The following KLHL5 variants were observed in gnomAD, a reference collection of about 807,000 sequenced individuals.
KLHL5 encodes the protein kelch-like protein 5.
Under a neutral mutation model 77.7 loss-of-function variants are expected in KLHL5, and 48 were observed. The ratio of observed to expected loss-of-function variants is 0.62; its 90% CI spans 0.49 to 0.79. KLHL5 has a LOEUF of 0.79. Among genes scored for constraint, KLHL5 ranks in the 30% least tolerant of loss-of-function variants. The probability of loss-of-function intolerance (pLI) is 0.00; values close to 1 mark genes in which losing one functional copy is unlikely to be tolerated. For synonymous variants in KLHL5, 260 were observed against 297.0 expected (o/e 0.88, Z 1.28); for missense variants, 723 against 859.7 (o/e 0.84, Z 1.99).
At position 39,113,172 on chromosome 4, in the gene KLHL5, TA is replaced by T; in HGVS notation, c.1842del (p.Ile614MetfsTer11). 4 of 1,614,070 alleles carry T rather than the reference TA, an allele frequency of 2.5e-6. No individual in the cohort carries two copies. Among genetic ancestry groups the T allele is most frequent in the Non-Finnish European group, 3.4e-6 (4 of 1,179,980 alleles). ...VTTWNGLLYA[I>X]GGHDAPASNL... ...ACCTGGAATGGACTGCTGTATGCTATAGGGGGGCACGATGCTCCCGCATCCA... is the reference window on the plus strand; with the variant it reads ...ACCTGGAATGGACTGCTGTATGCTATGGGGGGCACGATGCTCCCGCATCCA... On this transcript the variant is annotated frameshift_variant, in exon 9 of 11. Coordinates refer to ENST00000504108, the MANE Select transcript of KLHL5 (RefSeq NM_015990.5). LOFTEE classifies it high-confidence loss of function.
the KLHL5 span, among the ~76,000 whole-genome samples, chr4:39,134,405 G>C: frequency 1.3e-5 from 2 of 152,152 alleles, no homozygotes; most frequent in Admixed American, 1.3e-4. Context: ...GTATGAAGTA[G>C]ATATGACTAT....
chr4:39,081,064 A>G lies in KLHL5; in HGVS notation c.567-39A>G. 1 of 1,574,270 alleles carries G rather than the reference A, an allele frequency of 6.4e-7. No individual in the cohort carries two copies. Among genetic ancestry groups the G allele is most frequent in the South Asian group, 1.2e-5 (1 of 84,506 alleles). On this transcript the variant is annotated intron_variant, in intron 2 of 10. Transcript: ENST00000504108. The surrounding 1 kb of genome is among the most constrained non-coding windows in gnomAD (Gnocchi z 4.3). ...CATTTATTAATGAACATCAACTCGA[A>G]TGTGGTCATTGATTTTTTTTTTCCT...
upstream of KLHL5, among the ~76,000 whole-genome samples, chr4:39,060,312 T>G (rs1717305222): frequency 6.6e-6 from 1 of 152,160 alleles, no homozygotes; most frequent in Admixed American, 6.5e-5. Context: ...CAGCAATGAT[T>G]ACCATGGGAA....
At chr4:39,103,623 C>T in intron 7 of KLHL5, 112 bp downstream of exon 7, 2 of 781,610 alleles carry the variant, frequency 2.6e-6, no homozygotes, top group South Asian at 3.2e-5. Flanking sequence ...GCAGCAGTCA[C>T]CAAGCATTCC....
intron 5 of KLHL5, 46 bp downstream of exon 5, chr4:39,086,773 T>G: frequency 7.2e-7 from 1 of 1,388,456 alleles, no homozygotes; most frequent in Non-Finnish European, 1.0e-6. Flanking sequence ...TTGCCTATTC[T>G]ATCAAAGAAA....
intron 6 of KLHL5, among the ~76,000 whole-genome samples, chr4:39,097,936 G>A (rs907790923): frequency 1.2e-4 from 18 of 151,924 alleles, no homozygotes; most frequent in African/African-American, 4.4e-4. Context: ...TTTAAGACCA[G>A]CATGGGCAAT....
chr4:39,083,342 A>G (rs1719787650), intron 4 of KLHL5, among the ~76,000 whole-genome samples: 1 of 152,184 alleles, frequency 6.6e-6, no homozygotes, highest in African/African-American at 2.4e-5. Context: ...CATTGTTGTC[A>G]TCATCATTAT....
Position 39,082,108 on chromosome 4 carries a change from T to C in KLHL5, c.849T>C (p.Ala283=). The part of the protein sequence containing the change: ...PSNCLGIRSF[A]DAQGCTDLHK... ...ACTGTCTTGGAATTCGTTCTTTTGC[T>C]GATGCCCAAGGTTGTACAGATTTGC... Residue 283 remains alanine (A), a synonymous_variant, in exon 4 of 11, where the codon GCT becomes GCC. Transcript: ENST00000504108. 1 of 1,613,850 alleles carries C rather than the reference T, an allele frequency of 6.2e-7. No individual in the cohort carries two copies. Among genetic ancestry groups the C allele is most frequent in the South Asian group, 1.1e-5 (1 of 91,002 alleles).
intron 5 of KLHL5, among the ~76,000 whole-genome samples, chr4:39,094,775 A>T (rs983972032): frequency 6.6e-6 from 1 of 152,118 alleles, no homozygotes; most frequent in Non-Finnish European, 1.5e-5. Flanking sequence ...TTATTTAATA[A>T]GTGGTACAGA....
At chr4:39,056,328 C>T (rs1468483232) in intron 1 of KLHL5, among the ~76,000 whole-genome samples, 5 of 152,146 alleles carry the variant, frequency 3.3e-5, no homozygotes, top group Non-Finnish European at 7.4e-5. Flanking sequence ...CCAGGCTGGT[C>T]TCGAATTCCT....
chr4:39,081,282 G>A lies in KLHL5; in HGVS notation c.703+43G>A, dbSNP rs752592970. 3 of 1,508,606 alleles carry A rather than the reference G, an allele frequency of 2.0e-6. No individual in the cohort carries two copies. The highest frequency in any genetic ancestry group is 2.1e-5 in the Admixed American group (1 of 47,892). The allele number at this position is 1,508,606 out of a possible 1,614,324, so 93.5% of individuals were successfully genotyped here. A position where few individuals can be genotyped will look rare whatever the true frequency, so the allele number is the denominator to read the frequency against. ...GTAAATTAAAACCTCTTAGATTTAT[G>A]TTGTATTATTAGATTTCAGATTTCT... On this transcript the variant is annotated intron_variant, in intron 3 of 10. Transcript: ENST00000504108. The surrounding 1 kb of genome is among the most constrained non-coding windows in gnomAD (Gnocchi z 4.3).
At chr4:39,068,307 A>T (rs936670672) in intron 1 of KLHL5, among the ~76,000 whole-genome samples, 1 of 152,150 alleles carries the variant, frequency 6.6e-6, no homozygotes, top group Non-Finnish European at 1.5e-5. Flanking sequence ...ATAGCAGAAG[A>T]AGTTTATAAT....
chr4:39,132,817 A>G, the KLHL5 span, among the ~76,000 whole-genome samples: 3 of 152,236 alleles, frequency 2.0e-5, no homozygotes, highest in East Asian at 5.8e-4. Context: ...AAACGTGTTC[A>G]TTTCATTACA....
the KLHL5 span, among the ~76,000 whole-genome samples, chr4:39,140,815 A>G: frequency 1.3e-5 from 2 of 152,314 alleles, no homozygotes; most frequent in African/African-American, 2.4e-5. Flanking sequence ...TTTTATGAAA[A>G]TGATCCATAC....
chr4:39,045,143 C>T, intron 1 of KLHL5: 1 of 984,304 alleles, frequency 1.0e-6, no homozygotes, highest in Non-Finnish European at 1.2e-6. Flanking sequence ...CCGCCTCGGG[C>T]AGGGCCCGCT....
At chr4:39,112,954 A>G in intron 8 of KLHL5, 66 bp from the exon 9 acceptor site, 1 of 1,360,094 alleles carries the variant, frequency 7.4e-7, no homozygotes, top group Non-Finnish European at 1.0e-6. Context: ...CAACATAAGA[A>G]GAGCCTCTTT....
intron 1 of KLHL5, among the ~76,000 whole-genome samples, chr4:39,049,706 T>TAAA (rs1374853148): frequency 2.0e-4 from 29 of 147,030 alleles, no homozygotes; most frequent in African/African-American, 7.4e-4. Flanking sequence ...CAAAAATAAA[T>TAAA]AAATAAAAAA....
chr4:39,085,299 C>T (rs1719943469), intron 4 of KLHL5, among the ~76,000 whole-genome samples: 1 of 152,114 alleles, frequency 6.6e-6, no homozygotes, highest in Admixed American at 6.6e-5. Flanking sequence ...CCCTTTAGAA[C>T]TTCTACTGAT....
intron 8 of KLHL5, among the ~76,000 whole-genome samples, chr4:39,110,763 C>T (rs1440801906): frequency 2.0e-5 from 3 of 152,128 alleles, no homozygotes; most frequent in Non-Finnish European, 4.4e-5. Flanking sequence ...CCACCGTGCC[C>T]AGCCTACTTG....
Sources: allele counts gnomAD v4.1 joint callset (sites outside exome capture counted in the v4.1 genomes callset), GRCh38; gene constraint gnomAD v4.1.1; non-coding constraint Gnocchi (gnomAD v3.1); transcripts MANE v1.5; gene names NCBI Gene and HGNC (gene_info 2026-07-23, HGNC 2026-07-21).